BAK1: variants seen among roughly 807,000 people sequenced by gnomAD.
BAK1 encodes the protein BCL2 antagonist/killer 1.
Under a neutral mutation model 24.7 loss-of-function variants are expected in BAK1, and 19 were observed. The observed-to-expected ratio is 0.77, with a 90% confidence interval of 0.54 to 1.13. BAK1 has a LOEUF of 1.13. Among genes scored for constraint, BAK1 ranks in the 50% most tolerant of loss-of-function variants. BAK1 has a pLI of 0.00. For synonymous variants in BAK1, 86 were observed against 107.3 expected (o/e 0.80, Z 1.23); for missense variants, 194 against 279.4 (o/e 0.69, Z 2.18).
chr6:33,575,973 G>A lies in BAK1; in HGVS notation c.71-45C>T, dbSNP rs776547478. The stretch of plus-strand genomic sequence containing the variant: ...GTCAGGGAGAGAGGGCCGAACCCTG[G>A]CAGCCCCATGCCTTATAGGGGATTC... On this transcript the variant is annotated intron_variant, in intron 2 of 5. Coordinates refer to ENST00000374467, the MANE Select transcript of BAK1 (RefSeq NM_001188.4). This position sits in a 1 kb window ranked among gnomAD's most constrained non-coding sequence, Gnocchi z 6.3. 3.0e-5 allele frequency: 49 copies of A among 1,611,140 alleles called. 1 individual carries two copies.
At chr6:33,576,672 C>CAAAAA (rs370237502) in intron 2 of BAK1, among the ~76,000 whole-genome samples, 1 of 128,932 alleles carries the variant, frequency 7.8e-6, no homozygotes, top group African/African-American at 2.8e-5. Context: ...ACAAAAAAAA[C>CAAAAA]AAAAAAAAAA....
Position 33,576,027 on chromosome 6 carries a change from C to T in BAK1, c.71-99G>A, listed in dbSNP as rs989839042. On this transcript the variant is annotated intron_variant, in intron 2 of 5. Transcript: ENST00000374467. ...CTTCCTAAGGCCATAGCTGTCCTCA[C>T]CCATGGAAAGAAATATCCCAACCAG... The T allele has an allele frequency of 2.0e-5, 30 of 1,530,240 alleles. No homozygotes were observed. In the African/African-American group the frequency reaches 3.7e-4, roughly 19 times the overall value. The allele number at this position is 1,530,240 out of a possible 1,614,324, so 94.8% of individuals were successfully genotyped here.
chr6:33,574,675 C>T (rs1024190991), intron 4 of BAK1: 24 of 586,000 alleles, frequency 4.1e-5, no homozygotes, highest in Non-Finnish European at 5.8e-5. Context: ...TTACTCCTAC[C>T]TTCACCTCCA....
At chr6:33,576,248 T>C (rs915237855) in intron 2 of BAK1, among the ~76,000 whole-genome samples, 19 of 150,562 alleles carry the variant, frequency 1.3e-4, no homozygotes, top group African/African-American at 4.7e-4. Flanking sequence ...GGAGAATTAC[T>C]TGACCCCGGG....
intron 1 of BAK1, among the ~76,000 whole-genome samples, chr6:33,579,610 G>A (rs555894888): frequency 4.6e-5 from 7 of 152,312 alleles, no homozygotes; most frequent in Non-Finnish European, 8.8e-5. Flanking sequence ...CTAAATTCCC[G>A]GTGAGGGGAG....
intron 4 of BAK1, among the ~76,000 whole-genome samples, chr6:33,574,781 A>G (rs908811896): frequency 8.5e-5 from 13 of 152,164 alleles, no homozygotes; most frequent in South Asian, 4.1e-4. Flanking sequence ...TATTTTCCCT[A>G]TTTTACAAAC....
chr6:33,578,722 G>C lies in BAK1; in HGVS notation c.-31-1087C>G, dbSNP rs1196797794. On this transcript the variant is annotated intron_variant, in intron 1 of 5. Transcript: ENST00000374467. The surrounding 1 kb of genome is among the most constrained non-coding windows in gnomAD (Gnocchi z 4.8). ...ACCTGCTGTGACCCCTCATCAGGGC[G>C]AGTGTTTCCTGGATGTCAGCTGTTT... Among the ~76,000 whole-genome samples the C allele has an allele frequency of 6.6e-6, 1 of 152,138 alleles. No homozygotes were observed. The highest frequency in any genetic ancestry group is 1.5e-5 in the Non-Finnish European group (1 of 68,034).
Position 33,575,213 on chromosome 6 carries a change from A to G in BAK1, c.350+85T>C, listed in dbSNP as rs2151255583. 1 of 1,581,600 alleles carries G rather than the reference A, an allele frequency of 6.3e-7. No homozygotes were observed. The highest frequency in any genetic ancestry group is 8.7e-7 in the Non-Finnish European group (1 of 1,151,038). ...CTGACAGAAGGCTTCTCCCCATGCC[A>G]GGAGAGCATCATGCAGGCAGGGTAT... On this transcript the variant is annotated intron_variant, in intron 4 of 5. Coordinates refer to ENST00000374467, the MANE Select transcript of BAK1 (RefSeq NM_001188.4). The surrounding 1 kb of genome is among the most constrained non-coding windows in gnomAD (Gnocchi z 6.3).
rs1281065882 is a variant in BAK1 at position 33,573,139 on chromosome 6, A to AC, written c.*663dup. 1 of 153,122 alleles carries AC rather than the reference A, an allele frequency of 6.5e-6. No individual in the cohort carries two copies. The highest frequency in any genetic ancestry group is 1.9e-4 in the East Asian group (1 of 5,186). The allele number at this position is 153,122 out of a possible 1,614,324, so 9.5% of individuals were successfully genotyped here. On this transcript the variant is annotated 3_prime_UTR_variant, in exon 6 of 6. Coordinates refer to ENST00000374467, the MANE Select transcript of BAK1 (RefSeq NM_001188.4). ...TCAGACAGCTCTGGTCTGCGACTCC[A>AC]CCCCACCCCACACCCCAAGCCCAGA... is the stretch of plus-strand genomic sequence containing the variant.
rs1239341714 is a variant in BAK1, at chr6:33,578,399, C to T, written c.-31-764G>A. On this transcript the variant is annotated intron_variant, in intron 1 of 5. Transcript: ENST00000374467. The surrounding 1 kb of genome is among the most constrained non-coding windows in gnomAD (Gnocchi z 4.8). The stretch of plus-strand genomic sequence containing the variant: ...AAGAGTTGAGTGCCCGAGGTCACAT[C>T]GTTAGTCACGGAAAGTCAGGTTGTT... 4.6e-5 allele frequency among the ~76,000 whole-genome samples: 7 copies of T among 152,276 alleles called. No individual in the cohort carries two copies. The East Asian group carries it at 1.2e-3, about 25-fold the overall frequency.
intron 4 of BAK1, chr6:33,574,668 C>G: frequency 1.6e-6 from 1 of 624,992 alleles, no homozygotes; most frequent in Non-Finnish European, 2.5e-6. Context: ...CTATCACTTA[C>G]TCCTACCTTC....
chr6:33,576,645 AAAAC>A (rs1425262501), intron 2 of BAK1, among the ~76,000 whole-genome samples: 6 of 151,448 alleles, frequency 4.0e-5, no homozygotes, highest in Non-Finnish European at 5.9e-5. Context: ...AAAACAAAAC[AAAAC>A]AAAACAACAA....
chr6:33,574,668 C>T (rs1245910318), intron 4 of BAK1: 10 of 624,874 alleles, frequency 1.6e-5, no homozygotes, highest in African/African-American at 5.6e-5. Flanking sequence ...CTATCACTTA[C>T]TCCTACCTTC....
At position 33,573,016 on chromosome 6, in the gene BAK1, T is replaced by C. The variant is rs1490288242; in HGVS notation, c.*787A>G. On this transcript the variant is annotated 3_prime_UTR_variant, in exon 6 of 6. Transcript: ENST00000374467. Reference sequence around the variant, plus strand: ...GGATGGGGGTGAGAGCCTTCACCTGTAGTGAATGGGTTGGGAGCAAGTGTC... The same window carrying C: ...GGATGGGGGTGAGAGCCTTCACCTGCAGTGAATGGGTTGGGAGCAAGTGTC... 1 of 152,390 alleles carries C rather than the reference T, an allele frequency of 6.6e-6. No individual in the cohort carries two copies. Among genetic ancestry groups the C allele is most frequent in the Non-Finnish European group, 1.5e-5 (1 of 67,982 alleles). 9.4% of individuals were successfully genotyped at this position (152,390 alleles called of 1,614,324 possible).
At position 33,578,327 on chromosome 6, in the gene BAK1, G is replaced by A. The variant is rs1010802271; in HGVS notation, c.-31-692C>T. ...CTGGAAACTCACATGAACCCAGCAG[G>A]GTGAGCGCCATCATACCCACTTTAC... On this transcript the variant is annotated intron_variant, in intron 1 of 5. Coordinates refer to ENST00000374467, the MANE Select transcript of BAK1 (RefSeq NM_001188.4). The surrounding 1 kb of genome is among the most constrained non-coding windows in gnomAD (Gnocchi z 4.8). Among the ~76,000 whole-genome samples the A allele has an allele frequency of 1.3e-5, 2 of 152,198 alleles. No individual in the cohort carries two copies. Among genetic ancestry groups the A allele is most frequent in the Non-Finnish European group, 2.9e-5 (2 of 68,040 alleles).
intron 4 of BAK1, chr6:33,574,495 G>C (rs752880619): frequency 6.9e-7 from 1 of 1,459,422 alleles, no homozygotes; most frequent in Non-Finnish European, 9.1e-7. Context: ...TGGAGTCAGC[G>C]GGGAGATTAC....
chr6:33,576,064 C>T (rs772529271), intron 2 of BAK1, 136 bp from the exon 3 acceptor site: 4 of 1,346,694 alleles, frequency 3.0e-6, no homozygotes, highest in Non-Finnish European at 4.0e-6. Context: ...TGCGGTGGCT[C>T]ACGCCTATAA....
Position 33,580,224 on chromosome 6 carries a change from G to A in BAK1, c.-231C>T, listed in dbSNP as rs1297231964. On this transcript the variant is annotated 5_prime_UTR_variant, in exon 1 of 6. Transcript: ENST00000374467. Reference sequence around the variant, plus strand: ...CCCGCGAGACTCCAGTGATCATAGAGGTGCCAGCGGCACCCGGCTCCAATC... The same window carrying A: ...CCCGCGAGACTCCAGTGATCATAGAAGTGCCAGCGGCACCCGGCTCCAATC... The A allele has an allele frequency of 6.6e-6, 1 of 152,236 alleles. No individual in the cohort carries two copies. The highest frequency in any genetic ancestry group is 6.5e-5 in the Admixed American group (1 of 15,274). 9.4% of individuals were successfully genotyped at this position (152,236 alleles called of 1,614,324 possible). A position where few individuals can be genotyped will look rare whatever the true frequency, so the allele number is the denominator to read the frequency against.
rs1236090404 is a variant in BAK1 at position 33,578,809 on chromosome 6, G to A, written c.-31-1174C>T. Among the ~76,000 whole-genome samples, 2 of 152,174 alleles carry A rather than the reference G, an allele frequency of 1.3e-5. No homozygotes were observed. Among genetic ancestry groups the A allele is most frequent in the African/African-American group, 4.8e-5 (2 of 41,436 alleles). ...CCCAGGCAGCCTCCAGCCCTCAGAA[G>A]GAGAGCGCCCTCCTCCTATCCCAGA... On this transcript the variant is annotated intron_variant, in intron 1 of 5. Transcript: ENST00000374467. This position sits in a 1 kb window ranked among gnomAD's most constrained non-coding sequence, Gnocchi z 4.8.
Sources: allele counts gnomAD v4.1 joint callset (sites outside exome capture counted in the v4.1 genomes callset), GRCh38; gene constraint gnomAD v4.1.1; non-coding constraint Gnocchi (gnomAD v3.1); transcripts MANE v1.5; gene names NCBI Gene and HGNC (gene_info 2026-07-23, HGNC 2026-07-21).